The following MBD2 variants were observed in gnomAD, a reference collection of about 807,000 sequenced individuals.
The protein encoded by MBD2 is methyl-CpG binding domain protein 2, also known as methyl-CpG-binding domain protein 2.
MBD2 carries 9 observed loss-of-function variants against 39.3 expected under a neutral mutation model. That is an observed-to-expected ratio of 0.23 (90% CI 0.14 to 0.40). The LOEUF is 0.40. MBD2 is among the 10% of genes least tolerant of loss of function. The pLI, the probability that MBD2 is intolerant of heterozygous loss-of-function variation, is 1.00. For missense variants in MBD2, 458 were observed against 532.6 expected, an observed-to-expected ratio of 0.86 and a Z score of 1.38; for synonymous variants, 233 against 211.1, an observed-to-expected ratio of 1.10 and a Z score of -0.90.
At chr18:54,223,139 C>T (rs1460748889) in intron 1 of MBD2, among the ~76,000 whole-genome samples, 1 of 152,130 alleles carries the variant, frequency 6.6e-6, no homozygotes, top group Non-Finnish European at 1.5e-5. Flanking sequence ...GTATTAAGTC[C>T]ACGGATGTCA....
intron 3 of MBD2, among the ~76,000 whole-genome samples, chr18:54,181,750 C>G (rs1449049177): frequency 6.6e-6 from 1 of 152,162 alleles, no homozygotes; most frequent in African/African-American, 2.4e-5. Context: ...CCACCCGCCT[C>G]GGCCTCCCAA....
chr18:54,218,060 T>C (rs2086576281), intron 1 of MBD2, among the ~76,000 whole-genome samples: 1 of 152,238 alleles, frequency 6.6e-6, no homozygotes, highest in South Asian at 2.1e-4. Context: ...AAACTTTCTA[T>C]TATGCAATTA....
rs755531432 is a variant in MBD2, at chr18:54,164,517, C to T, written c.1109+6G>A. The T allele has an allele frequency of 6.2e-7, 1 of 1,605,462 alleles. No homozygotes were observed. Among genetic ancestry groups the T allele is most frequent in the Non-Finnish European group, 8.5e-7 (1 of 1,172,602 alleles). Reference sequence around the variant, plus strand: ...AAGTTTATGAAGTCATGTTAAACTGCATTACCTGATGTCTTCATCTGTGAC... The same window carrying T: ...AAGTTTATGAAGTCATGTTAAACTGTATTACCTGATGTCTTCATCTGTGAC... On this transcript the variant is annotated splice_donor_region_variant and intron_variant, in intron 5 of 6. Transcript: ENST00000256429.
intron 3 of MBD2, among the ~76,000 whole-genome samples, chr18:54,171,351 C>A (rs111994866): frequency 6.6e-6 from 1 of 151,750 alleles, no homozygotes; most frequent in Middle Eastern, 3.2e-3. Context: ...GAGCTGGGAT[C>A]GCACCATTGC....
At chr18:54,159,665 G>A (rs750621479) in intron 6 of MBD2, 100 bp downstream of exon 6, 42 of 1,364,822 alleles carry the variant, frequency 3.1e-5, no homozygotes, top group East Asian at 4.6e-5. Flanking sequence ...CTGATCGCCC[G>A]CCTCAGCCAC....
chr18:54,217,232 GAGTT>G (rs1350331584), intron 1 of MBD2, among the ~76,000 whole-genome samples: 9 of 152,240 alleles, frequency 5.9e-5, no homozygotes, highest in Admixed American at 5.2e-4. Context: ...TATTCACATA[GAGTT>G]TATGTACATC....
At chr18:54,178,835 T>C (rs1391134558) in intron 3 of MBD2, among the ~76,000 whole-genome samples, 1 of 152,140 alleles carries the variant, frequency 6.6e-6, no homozygotes, top group African/African-American at 2.4e-5. Flanking sequence ...ATAGATACTG[T>C]AAACATTAAA....
intron 2 of MBD2, chr18:54,202,898 A>C (rs1185003295): frequency 8.7e-7 from 1 of 1,152,448 alleles, no homozygotes; most frequent in South Asian, 1.2e-5. Context: ...GGGAAGCATT[A>C]TGGAGGAAAG....
chr18:54,187,856 TAC>T, intron 3 of MBD2: 2 of 985,738 alleles, frequency 2.0e-6, no homozygotes, highest in Non-Finnish European at 2.4e-6. Flanking sequence ...GAAAAAACAC[TAC>T]AGAGGATGTG....
At chr18:54,171,955 A>G (rs1329058766) in intron 3 of MBD2, among the ~76,000 whole-genome samples, 1 of 152,244 alleles carries the variant, frequency 6.6e-6, no homozygotes, top group Non-Finnish European at 1.5e-5. Flanking sequence ...CTGAAAGAGC[A>G]TTTACATGTT....
chr18:54,189,682 C>T (rs1162482766), intron 2 of MBD2, among the ~76,000 whole-genome samples: 7 of 152,150 alleles, frequency 4.6e-5, no homozygotes, highest in Admixed American at 4.6e-4. Context: ...CAGGGTCTCA[C>T]TCTGTTGCCC....
chr18:54,210,941 G>A (rs1023529773), intron 1 of MBD2, among the ~76,000 whole-genome samples: 1 of 143,206 alleles, frequency 7.0e-6, no homozygotes, highest in Non-Finnish European at 1.5e-5. Context: ...GCGGGATCTC[G>A]GCTCACTGCA....
intron 1 of MBD2, among the ~76,000 whole-genome samples, chr18:54,216,367 A>G (rs1331901271): frequency 6.6e-6 from 1 of 152,240 alleles, no homozygotes; most frequent in East Asian, 1.9e-4. Context: ...CAGATTAACC[A>G]TAACTTTTTG....
At chr18:54,192,652 C>G (rs961782867) in intron 2 of MBD2, among the ~76,000 whole-genome samples, 2 of 152,144 alleles carry the variant, frequency 1.3e-5, no homozygotes, top group Non-Finnish European at 2.9e-5. Context: ...ATATTCAAAC[C>G]TGTGAGATTC....
At chr18:54,214,773 T>G (rs2144347650) in intron 1 of MBD2, among the ~76,000 whole-genome samples, 1 of 150,308 alleles carries the variant, frequency 6.7e-6, no homozygotes, top group African/African-American at 2.4e-5. Context: ...GGAGTCTCGC[T>G]CTGTCGCCGA....
intron 1 of MBD2, among the ~76,000 whole-genome samples, chr18:54,223,784 T>C (rs2086634639): frequency 6.6e-6 from 1 of 152,090 alleles, no homozygotes; most frequent in African/African-American, 2.4e-5. Flanking sequence ...GCAAACCATC[T>C]TCCCCGACGC....
At chr18:54,223,902 A>T (rs1318711868) in intron 1 of MBD2, 116 bp downstream of exon 1, 4 of 848,100 alleles carry the variant, frequency 4.7e-6, no homozygotes, top group Non-Finnish European at 7.0e-6. Flanking sequence ...CCACCAAACC[A>T]GCCTGTCCCT....
At chr18:54,214,742 C>CT (rs1009315641) in intron 1 of MBD2, among the ~76,000 whole-genome samples, 163 of 69,826 alleles carry the variant, frequency 2.3e-3, no homozygotes, top group African/African-American at 4.3e-3. Flanking sequence ...TTTTAGAATT[C>CT]TTTTTTTTTT....
intron 1 of MBD2, among the ~76,000 whole-genome samples, chr18:54,210,046 TG>T (rs1280728055): frequency 1.3e-5 from 2 of 152,208 alleles, no homozygotes; most frequent in Non-Finnish European, 2.9e-5. Flanking sequence ...CTGCCCATTA[TG>T]ATTACTTCTA....
Sources: gnomAD v4.1 joint callset for allele counts (sites outside exome capture counted in the v4.1 genomes callset) on GRCh38, gnomAD v4.1.1 for gene constraint, MANE v1.5 for transcripts, NCBI Gene and HGNC (gene_info 2026-07-23, HGNC 2026-07-21) for gene names.